FILIP1: variants seen among roughly 807,000 people sequenced by gnomAD.
FILIP1 encodes the protein filamin-A-interacting protein 1.
FILIP1 carries 61 observed loss-of-function variants against 102.1 expected under a neutral mutation model. The ratio of observed to expected loss-of-function variants is 0.60; its 90% CI spans 0.49 to 0.74. The LOEUF is 0.74. Ranked by LOEUF, FILIP1 falls within the 30% of genes least tolerant of loss-of-function variation. The pLI is 0.00. For synonymous variants in FILIP1, 491 were observed against 526.9 expected, an observed-to-expected ratio of 0.93 and a Z score of 0.93; for missense variants, 1,314 against 1,441.2, an observed-to-expected ratio of 0.91 and a Z score of 1.43.
chr6:75,327,342 A>G (rs2149572863), intron 4 of FILIP1, among the ~76,000 whole-genome samples: 1 of 152,212 alleles, frequency 6.6e-6, no homozygotes, highest in South Asian at 2.1e-4. Flanking sequence ...GATTATTGCA[A>G]GAGCCACCCA....
Position 75,312,550 on chromosome 6 carries a change from T to C in FILIP1, c.3282A>G (p.Pro1094=). 3.1e-6 allele frequency: 5 copies of C among 1,614,240 alleles called. No homozygotes were observed. Among genetic ancestry groups the C allele is most frequent in the Non-Finnish European group, 3.4e-6 (4 of 1,180,038 alleles). ...CCTCCTTTTCGGCTGTCACGTTTAC[T>C]GGTCGGACAGTAATAACTGGACTGA... is the stretch of plus-strand genomic sequence containing the variant. ...EGVSPVITVR[P]VNVTAEKEVS... Residue 1094 remains proline (P), a synonymous_variant, in exon 5 of 6, where the codon CCA becomes CCG. Coordinates refer to ENST00000237172, the MANE Select transcript of FILIP1 (RefSeq NM_015687.5).
intron 4 of FILIP1, among the ~76,000 whole-genome samples, chr6:75,330,646 C>T (rs1176714617): frequency 6.6e-6 from 1 of 152,172 alleles, no homozygotes; most frequent in East Asian, 1.9e-4. Flanking sequence ...AGCTATAAAA[C>T]TATTATACAT....
At chr6:75,420,521 T>C (rs1314319562) in intron 1 of FILIP1, among the ~76,000 whole-genome samples, 1 of 152,156 alleles carries the variant, frequency 6.6e-6, no homozygotes, top group Non-Finnish European at 1.5e-5. Flanking sequence ...CCACTAGCCA[T>C]GACCTACTAT....
At chr6:75,371,053 A>G (rs778112593) in intron 2 of FILIP1, among the ~76,000 whole-genome samples, 13 of 151,902 alleles carry the variant, frequency 8.6e-5, no homozygotes, top group Admixed American at 3.3e-4. Context: ...AGATTGAAAG[A>G]AAAAAAGCTA....
chr6:75,461,027 G>A (rs533003092), intron 1 of FILIP1, among the ~76,000 whole-genome samples: 5 of 152,098 alleles, frequency 3.3e-5, no homozygotes, highest in East Asian at 3.9e-4. Flanking sequence ...TAACCCACAC[G>A]ACCTCCCTCT....
intron 2 of FILIP1, among the ~76,000 whole-genome samples, chr6:75,411,557 T>C (rs1020222085): frequency 6.6e-6 from 1 of 152,192 alleles, no homozygotes; most frequent in Non-Finnish European, 1.5e-5. Context: ...TTAGGTCTTA[T>C]GTTTAAATCT....
chr6:75,430,805 T>G (rs1777798115), intron 1 of FILIP1, among the ~76,000 whole-genome samples: 1 of 152,148 alleles, frequency 6.6e-6, no homozygotes, highest in South Asian at 2.1e-4. Flanking sequence ...AGGACAGAGG[T>G]GCAGGCTTTG....
At chr6:75,340,602 T>C (rs973210203) in intron 4 of FILIP1, among the ~76,000 whole-genome samples, 1 of 152,236 alleles carries the variant, frequency 6.6e-6, no homozygotes, top group Non-Finnish European at 1.5e-5. Context: ...TTTTATGAAC[T>C]GTAGCTTTAA....
chr6:75,322,203 T>C (rs1049104142), intron 4 of FILIP1, among the ~76,000 whole-genome samples: 16 of 152,242 alleles, frequency 1.1e-4, no homozygotes, highest in African/African-American at 3.9e-4. Context: ...GCCTATGGCA[T>C]ATTACATCTC....
chr6:75,318,228 CTTTTTTTT>C (rs35536817), intron 4 of FILIP1, among the ~76,000 whole-genome samples: 1 of 102,894 alleles, frequency 9.7e-6, no homozygotes, highest in Non-Finnish European at 2.0e-5. Context: ...ATTATACAGT[CTTTTTTTT>C]TTTTTTTTTT....
chr6:75,391,331 T>C (rs13207335), intron 2 of FILIP1, among the ~76,000 whole-genome samples: 9,391 of 152,228 alleles, frequency 0.062, 367 homozygotes, highest in Middle Eastern at 0.095. Context: ...ACTGATCTCA[T>C]TTCAAATTCA....
Position 75,397,267 on chromosome 6 carries a change from AT to A in FILIP1, c.276+17429del, listed in dbSNP as rs200859083. Among the ~76,000 whole-genome samples the A allele has an allele frequency of 3.7e-3, 564 of 152,052 alleles. 1 individual carries two copies. Among genetic ancestry groups the A allele is most frequent in the African/African-American group, 0.013 (532 of 41,534 alleles). On this transcript the variant is annotated intron_variant, in intron 2 of 5. Transcript: ENST00000237172. ...ATAAATATAAAAAATTCTAAAAAAA[AT>A]AATAAGTCATGTTAGATATTGCAAA...
intron 1 of FILIP1, among the ~76,000 whole-genome samples, chr6:75,483,705 T>G (rs1045923543): frequency 3.9e-5 from 6 of 152,110 alleles, no homozygotes; most frequent in Admixed American, 3.9e-4. Flanking sequence ...GGAACTAAGG[T>G]CACCATAACC....
chr6:75,421,831 C>T (rs998111670), intron 1 of FILIP1, among the ~76,000 whole-genome samples: 5 of 152,090 alleles, frequency 3.3e-5, no homozygotes, highest in South Asian at 2.1e-4. Context: ...TCTACTCCTA[C>T]GACTGAGGAA....
rs73463771 is a variant in FILIP1 at position 75,470,498 on chromosome 6, A to C, written c.-7+22916T>G. On this transcript the variant is annotated intron_variant, in intron 1 of 5. Transcript: ENST00000237172. Reference sequence around the variant, plus strand: ...AAGTTATTTGATATTTCTGTGCCTCAGTTTCCTTGTCTGTAAAATGAGGAA... The same window carrying C: ...AAGTTATTTGATATTTCTGTGCCTCCGTTTCCTTGTCTGTAAAATGAGGAA... Among the ~76,000 whole-genome samples, 705 of 152,300 alleles carry C rather than the reference A, an allele frequency of 4.6e-3. 8 individuals are homozygous for C. Among genetic ancestry groups the C allele is most frequent in the African/African-American group, 0.016 (672 of 41,594 alleles).
chr6:75,354,630 C>A lies in FILIP1; in HGVS notation c.451-913G>T, dbSNP rs372714238. Among the ~76,000 whole-genome samples, 27 of 150,622 alleles carry A rather than the reference C, an allele frequency of 1.8e-4. No homozygotes were observed. In the East Asian group the frequency reaches 5.3e-3, roughly 30 times the overall value. ...TGGTGGGTGTGTAGTGTTCGCTCAA[C>A]GTGATTTTAATGCTCACTTACCTGA... On this transcript the variant is annotated intron_variant, in intron 3 of 5. Transcript: ENST00000237172.
intron 1 of FILIP1, among the ~76,000 whole-genome samples, chr6:75,415,555 G>T (rs1224643690): frequency 1.8e-5 from 2 of 109,358 alleles, no homozygotes. Context: ...AAAAAAAAAA[G>T]CCCACATAGG....
chr6:75,490,845 A>C (rs1779937197), intron 1 of FILIP1, among the ~76,000 whole-genome samples: 1 of 152,112 alleles, frequency 6.6e-6, no homozygotes, highest in African/African-American at 2.4e-5. Flanking sequence ...GAAGTAAAAA[A>C]CTATTAACTT....
chr6:75,339,423 A>G (rs533075038), intron 4 of FILIP1, among the ~76,000 whole-genome samples: 2 of 152,324 alleles, frequency 1.3e-5, no homozygotes, highest in Middle Eastern at 6.8e-3. Flanking sequence ...TAGACTTTCA[A>G]AATAAGTGAA....
Sources: allele counts gnomAD v4.1 joint callset (sites outside exome capture counted in the v4.1 genomes callset), GRCh38; gene constraint gnomAD v4.1.1; transcripts MANE v1.5; gene names NCBI Gene and HGNC (gene_info 2026-07-23, HGNC 2026-07-21).